The following INPP4B variants were observed in gnomAD, a reference collection of about 807,000 sequenced individuals.
INPP4B encodes inositol polyphosphate-4-phosphatase type II B, also known as inositol polyphosphate 4-phosphatase type II.
A neutral mutation model predicts 122.5 loss-of-function variants in INPP4B; 55 were observed. The observed-to-expected ratio is 0.45, with a 90% CI of 0.36 to 0.56. The LOEUF (loss-of-function observed/expected upper bound fraction) is 0.56. Among genes scored for constraint, INPP4B ranks in the 20% least tolerant of loss-of-function variants. INPP4B has a pLI of 0.00. For synonymous variants in INPP4B, 403 were observed against 388.7 expected (o/e 1.04, Z -0.43); for missense variants, 1,000 against 1,097.7 (o/e 0.91, Z 1.26).
At chr4:142,302,292 C>T (rs1457743858) in intron 9 of INPP4B, among the ~76,000 whole-genome samples, 3 of 152,086 alleles carry the variant, frequency 2.0e-5, no homozygotes, top group Admixed American at 2.0e-4. Flanking sequence ...TGAAGTCAAA[C>T]GTGGAAGAAA....
chr4:142,405,010 A>G (rs1019916570), intron 6 of INPP4B, among the ~76,000 whole-genome samples, 196 bp downstream of exon 6: 3 of 151,358 alleles, frequency 2.0e-5, no homozygotes, highest in Non-Finnish European at 2.9e-5. Context: ...TTGCTTAATA[A>G]TCTCAGGTAT....
chr4:142,681,068 T>C (rs1248844592), intron 2 of INPP4B, among the ~76,000 whole-genome samples: 1 of 151,868 alleles, frequency 6.6e-6, no homozygotes, highest in African/African-American at 2.4e-5. Context: ...GAAAGGCTGC[T>C]GGGGCGGTTG....
chr4:142,438,696 A>G (rs929171798), intron 3 of INPP4B, among the ~76,000 whole-genome samples: 10 of 147,264 alleles, frequency 6.8e-5, no homozygotes, highest in Non-Finnish European at 2.9e-5. Context: ...CAAAATTGAC[A>G]AATAAAATCT....
intron 17 of INPP4B, among the ~76,000 whole-genome samples, chr4:142,147,863 A>T (rs1811630593): frequency 6.6e-6 from 1 of 152,168 alleles, no homozygotes. Context: ...TGTCTGAGAA[A>T]ATGGTGTAAA....
At chr4:142,760,955 A>C (rs1403913789) in intron 1 of INPP4B, among the ~76,000 whole-genome samples, 1 of 152,120 alleles carries the variant, frequency 6.6e-6, no homozygotes, top group African/African-American at 2.4e-5. Context: ...CAAAATGAAC[A>C]CTAGACCTAG....
At chr4:142,636,261 C>T (rs950111494) in intron 2 of INPP4B, among the ~76,000 whole-genome samples, 5 of 151,898 alleles carry the variant, frequency 3.3e-5, no homozygotes, top group African/African-American at 9.7e-5. Context: ...TACCAAGTCT[C>T]GGGTATTTCT....
chr4:142,183,466 G>A (rs1831765630), intron 15 of INPP4B, among the ~76,000 whole-genome samples: 1 of 152,108 alleles, frequency 6.6e-6, no homozygotes, highest in South Asian at 2.1e-4. Flanking sequence ...AATTCCATAT[G>A]TACATTTTTT....
At chr4:142,644,090 A>T (rs1195339853) in intron 2 of INPP4B, among the ~76,000 whole-genome samples, 1 of 152,070 alleles carries the variant, frequency 6.6e-6, no homozygotes, top group East Asian at 1.9e-4. Context: ...AGTCCTAGCT[A>T]CTTGGGAGAC....
chr4:142,049,600 CTG>C (rs1272314215), intron 25 of INPP4B, among the ~76,000 whole-genome samples: 1 of 151,614 alleles, frequency 6.6e-6, no homozygotes, highest in African/African-American at 2.4e-5. Flanking sequence ...GGAAGTAAAA[CTG>C]TAAAGGGATA....
intron 1 of INPP4B, among the ~76,000 whole-genome samples, chr4:142,761,218 G>A (rs1466655297): frequency 6.7e-6 from 1 of 150,190 alleles, no homozygotes; most frequent in African/African-American, 2.5e-5. Flanking sequence ...ACCTTATTGA[G>A]CATTTTTAAT....
chr4:142,434,980 C>T (rs914978276), intron 3 of INPP4B, among the ~76,000 whole-genome samples: 3 of 152,096 alleles, frequency 2.0e-5, no homozygotes, highest in African/African-American at 7.2e-5. Flanking sequence ...CCTGGGGCCG[C>T]AGGTTGGACA....
At chr4:142,506,118 G>T (rs1168001427) in intron 2 of INPP4B, among the ~76,000 whole-genome samples, 3 of 152,130 alleles carry the variant, frequency 2.0e-5, no homozygotes, top group African/African-American at 7.2e-5. Flanking sequence ...CCTAGACTTT[G>T]TCTAATAAAG....
At chr4:142,194,602 T>G (rs561975077) in intron 14 of INPP4B, among the ~76,000 whole-genome samples, 1 of 152,300 alleles carries the variant, frequency 6.6e-6, no homozygotes, top group South Asian at 2.1e-4. Context: ...ATTTATCTGA[T>G]AAGAAGGCTG....
chr4:142,239,842 T>C (rs1482259261), intron 11 of INPP4B, among the ~76,000 whole-genome samples: 1 of 152,096 alleles, frequency 6.6e-6, no homozygotes. Flanking sequence ...AGTTACTTAG[T>C]TTATCTAGAG....
chr4:142,317,788 T>C (rs946483074), intron 7 of INPP4B, among the ~76,000 whole-genome samples: 1 of 152,064 alleles, frequency 6.6e-6, no homozygotes, highest in Non-Finnish European at 1.5e-5. Context: ...AAAACAAAAA[T>C]GAACAAACAA....
intron 2 of INPP4B, among the ~76,000 whole-genome samples, chr4:142,564,875 A>C (rs1306986624): frequency 6.6e-6 from 1 of 152,038 alleles, no homozygotes; most frequent in African/African-American, 2.4e-5. Context: ...ATTTTTCTTA[A>C]ATCAGTCTCT....
At chr4:142,479,000 G>A (rs1047733011) in intron 2 of INPP4B, among the ~76,000 whole-genome samples, 1 of 152,002 alleles carries the variant, frequency 6.6e-6, no homozygotes, top group Non-Finnish European at 1.5e-5. Context: ...CTTCTGCACA[G>A]AAAAGAAACT....
chr4:142,749,462 G>A (rs928181039), intron 1 of INPP4B, among the ~76,000 whole-genome samples: 2 of 150,222 alleles, frequency 1.3e-5, no homozygotes, highest in Non-Finnish European at 3.0e-5. Flanking sequence ...GGATACGAAG[G>A]ATGAATCAAA....
chr4:142,188,486 CAAAAA>C (rs869298815), intron 15 of INPP4B, among the ~76,000 whole-genome samples: 8 of 9,490 alleles, frequency 8.4e-4, no homozygotes, highest in African/African-American at 3.1e-3. Context: ...GACTCCATCT[CAAAAA>C]AAAAAAAAAA....
Sources: gnomAD v4.1 joint callset for allele counts (sites outside exome capture counted in the v4.1 genomes callset) on GRCh38, gnomAD v4.1.1 for gene constraint, MANE v1.5 for transcripts, NCBI Gene and HGNC (gene_info 2026-07-23, HGNC 2026-07-21) for gene names.